The following ZNF729 variants were observed in gnomAD, a reference collection of about 807,000 sequenced individuals.
The protein encoded by ZNF729 is zinc finger protein 729.
Under a neutral mutation model 12.2 loss-of-function variants are expected in ZNF729, and 15 were observed. The ratio of observed to expected loss-of-function variants is 1.23; its 90% CI spans 0.82 to 1.89. The LOEUF (loss-of-function observed/expected upper bound fraction) is 1.89. Ranked by LOEUF, ZNF729 falls within the 40% of genes most tolerant of loss-of-function variation. The pLI is 0.00. For missense variants in ZNF729, 1,540 were observed against 1,456.7 expected, an observed-to-expected ratio of 1.06 and a Z score of -0.93; for synonymous variants, 492 against 476.3, an observed-to-expected ratio of 1.03 and a Z score of -0.43.
At chr19:22,312,348 A>T (rs1388750695) in intron 3 of ZNF729, among the ~76,000 whole-genome samples, 1 of 151,972 alleles carries the variant, frequency 6.6e-6, no homozygotes, top group Non-Finnish European at 1.5e-5. Context: ...TTCATAATGT[A>T]GCCTTGTCCT....
intron 3 of ZNF729, among the ~76,000 whole-genome samples, chr19:22,308,376 G>A (rs1968410637): frequency 6.6e-6 from 1 of 151,948 alleles, no homozygotes; most frequent in African/African-American, 2.4e-5. Flanking sequence ...TTTTCTTCTG[G>A]GTAGATACCC....
chr19:22,305,279 A>G (rs943407199), intron 3 of ZNF729, among the ~76,000 whole-genome samples: 1 of 152,184 alleles, frequency 6.6e-6, no homozygotes, highest in Non-Finnish European at 1.5e-5. Flanking sequence ...CTGAACTGTG[A>G]GCCAAATAAA....
chr19:22,291,386 T>A (rs530673876), intron 1 of ZNF729, among the ~76,000 whole-genome samples: 1 of 152,238 alleles, frequency 6.6e-6, no homozygotes, highest in East Asian at 1.9e-4. Flanking sequence ...TCCCACCTTC[T>A]TACAAACATA....
In ZNF729 at chr19:22,316,756, T is replaced by C. The variant is rs1471735562; in HGVS notation, c.3339T>C (p.Phe1113=). The C allele has an allele frequency of 6.2e-7, 1 of 1,613,014 alleles. No homozygotes were observed. Among genetic ancestry groups the C allele is most frequent in the South Asian group, 1.1e-5 (1 of 90,904 alleles). Residue 1113 remains phenylalanine (F), a synonymous_variant, in exon 4 of 4, where the codon TTT becomes TTC. Transcript: ENST00000601693. ...AATGTGACGAATGTGGCAAAGCTTT[T>C]AACAATTCCTCAACCCTTACGAAAC... ...PYQCDECGKA[F]NNSSTLTKHK...
chr19:22,314,256 C>G lies in ZNF729; in HGVS notation c.839C>G (p.Thr280Ser). Residue 280 changes from threonine to serine, a missense_variant, in exon 4 of 4, where the codon ACT becomes AGT. Transcript: ENST00000601693. ...GKAFNQSSNL[T>S]DHKRIHTGEK... The stretch of plus-strand genomic sequence containing the variant: ...GCTTTTAACCAGTCCTCAAATCTTA[C>G]TGACCATAAGAGAATTCATACTGGA... The G allele has an allele frequency of 6.2e-7, 1 of 1,608,148 alleles. No individual in the cohort carries two copies. The highest frequency in any genetic ancestry group is 1.1e-5 in the South Asian group (1 of 90,708).
chr19:22,317,174 T>C lies in ZNF729; in HGVS notation c.3757T>C (p.Ter1253GlnextTer?). ...YKCEECAKAF[*>Q] ...ATGTGAAGAATGTGCCAAAGCTTTTTAACCATCCTTCAACCCTTACTAAAC... is the reference window on the plus strand; with the variant it reads ...ATGTGAAGAATGTGCCAAAGCTTTTCAACCATCCTTCAACCCTTACTAAAC... Residue 1253 changes from the stop codon to glutamine, a stop_lost, in exon 4 of 4, where the codon TAA (stop) becomes CAA (glutamine). Transcript: ENST00000601693. The C allele has an allele frequency of 6.3e-7, 1 of 1,593,608 alleles. No individual in the cohort carries two copies.
At chr19:22,312,478 T>G (rs866746758) in intron 3 of ZNF729, among the ~76,000 whole-genome samples, 8 of 102,388 alleles carry the variant, frequency 7.8e-5, no homozygotes, top group African/African-American at 3.5e-4. Context: ...GTGTGTGTGT[T>G]TAGATAAAGA....
chr19:22,311,190 C>T (rs1479762784), intron 3 of ZNF729, among the ~76,000 whole-genome samples: 2 of 151,858 alleles, frequency 1.3e-5, no homozygotes, highest in Admixed American at 6.6e-5. Flanking sequence ...GTTTCAATTT[C>T]ATTTCATTCT....
At chr19:22,297,577 CTT>C (rs1209079426) in intron 1 of ZNF729, among the ~76,000 whole-genome samples, 2 of 151,622 alleles carry the variant, frequency 1.3e-5, no homozygotes, top group Admixed American at 6.6e-5. Context: ...AAATGAACCT[CTT>C]ATTATTCTTT....
chr19:22,303,633 GTTC>G (rs1359063131), intron 1 of ZNF729, 122 bp from the exon 2 acceptor site: 13 of 845,918 alleles, frequency 1.5e-5, no homozygotes, highest in Non-Finnish European at 2.2e-5. Flanking sequence ...TATTGGATAT[GTTC>G]GGTCATCCCT....
At chr19:22,288,026 A>G (rs905273932) in intron 1 of ZNF729, among the ~76,000 whole-genome samples, 1 of 151,754 alleles carries the variant, frequency 6.6e-6, no homozygotes, top group Non-Finnish European at 1.5e-5. Flanking sequence ...TTGTATTTTT[A>G]GTAGAGACAG....
chr19:22,293,213 TCTCA>T (rs1208810037), intron 1 of ZNF729, among the ~76,000 whole-genome samples: 3 of 152,178 alleles, frequency 2.0e-5, no homozygotes, highest in African/African-American at 4.8e-5. Context: ...TGAGACGAAG[TCTCA>T]CTCTGTCGCC....
At chr19:22,307,140 G>GCAT (rs113171429) in intron 3 of ZNF729, among the ~76,000 whole-genome samples, 3,777 of 151,580 alleles carry the variant, frequency 0.025, 152 homozygotes, top group African/African-American at 0.087. Context: ...ATGCTGTCTA[G>GCAT]CATTTTATTT....
intron 1 of ZNF729, among the ~76,000 whole-genome samples, chr19:22,291,741 G>A (rs1465636867): frequency 6.6e-6 from 1 of 152,158 alleles, no homozygotes; most frequent in Non-Finnish European, 1.5e-5. Flanking sequence ...TTTTGTTTTT[G>A]TTTTTGTTTT....
At chr19:22,301,923 AT>A (rs1255731710) in intron 1 of ZNF729, among the ~76,000 whole-genome samples, 3 of 152,310 alleles carry the variant, frequency 2.0e-5, no homozygotes, top group African/African-American at 7.2e-5. Flanking sequence ...TCCATTTTCT[AT>A]TTATAACCAG....
chr19:22,311,407 T>G (rs1172604124), intron 3 of ZNF729, among the ~76,000 whole-genome samples: 1 of 152,104 alleles, frequency 6.6e-6, no homozygotes, highest in African/African-American at 2.4e-5. Flanking sequence ...GTTGTTGAGT[T>G]TGAAGAATTT....
rs576043255 is a variant in ZNF729 at position 22,295,647 on chromosome 19, G to A, written c.31-8111G>A. Among the ~76,000 whole-genome samples, 3 of 152,142 alleles carry A rather than the reference G, an allele frequency of 2.0e-5. No homozygotes were observed. The South Asian group carries it at 6.2e-4, about 31-fold the overall frequency. On this transcript the variant is annotated intron_variant, in intron 1 of 3. Coordinates refer to ENST00000601693, the MANE Select transcript of ZNF729 (RefSeq NM_001242680.2). ...GATCTCCTGACCTCGTGATCCGCCC[G>A]TCTCGGCCTCCCAAAGTGCTAGGAT... is the stretch of plus-strand genomic sequence containing the variant.
chr19:22,298,280 T>C (rs1052654499), intron 1 of ZNF729, among the ~76,000 whole-genome samples: 2 of 152,066 alleles, frequency 1.3e-5, no homozygotes, highest in African/African-American at 4.8e-5. Flanking sequence ...CTGTTCATAC[T>C]TTTGAAACAT....
At chr19:22,296,269 A>G (rs1968229252) in intron 1 of ZNF729, among the ~76,000 whole-genome samples, 1 of 152,040 alleles carries the variant, frequency 6.6e-6, no homozygotes, top group Admixed American at 6.6e-5. Context: ...TTTATTTTGG[A>G]TGGTAGGCTA....
Sources: gnomAD v4.1 joint callset for allele counts (sites outside exome capture counted in the v4.1 genomes callset) on GRCh38, gnomAD v4.1.1 for gene constraint, MANE v1.5 for transcripts, NCBI Gene and HGNC (gene_info 2026-07-23, HGNC 2026-07-21) for gene names.